Variants in DYNC1I1 observed in about 807,000 individuals in gnomAD.
The protein encoded by DYNC1I1 is cytoplasmic dynein 1 intermediate chain 1.
DYNC1I1 carries 43 observed loss-of-function variants against 86.6 expected under a neutral mutation model. The observed-to-expected ratio is 0.50, with a 90% CI of 0.39 to 0.64. The LOEUF (loss-of-function observed/expected upper bound fraction) is 0.64. DYNC1I1 is among the 30% of genes least tolerant of loss of function. The pLI, the probability that DYNC1I1 is intolerant of heterozygous loss-of-function variation, is 0.00. For synonymous variants in DYNC1I1, 262 were observed against 283.7 expected, an observed-to-expected ratio of 0.92 and a Z score of 0.77; for missense variants, 604 against 788.8, an observed-to-expected ratio of 0.77 and a Z score of 2.81.
chr7:95,816,044 G>A (rs528461197), intron 4 of DYNC1I1, among the ~76,000 whole-genome samples: 81 of 149,080 alleles, frequency 5.4e-4, no homozygotes, highest in Non-Finnish European at 1.0e-3. Context: ...TAAAGAGACC[G>A]TCTTGCTCCA....
In DYNC1I1 at chr7:95,932,307, G is replaced by A. The variant is rs544927470; in HGVS notation, c.491-45205G>A. 2.6e-5 allele frequency among the ~76,000 whole-genome samples: 4 copies of A among 152,166 alleles called. No homozygotes were observed. The East Asian group carries it at 5.8e-4, about 22-fold the overall frequency. ...TGGAAAATCACATACACACTATGGCGGCACATTTTCACAACAGAGAAATTA... is the reference window on the plus strand; with the variant it reads ...TGGAAAATCACATACACACTATGGCAGCACATTTTCACAACAGAGAAATTA... On this transcript the variant is annotated intron_variant, in intron 6 of 16. Transcript: ENST00000447467.
chr7:95,952,708 T>C (rs1355078557), intron 6 of DYNC1I1, among the ~76,000 whole-genome samples: 1 of 152,172 alleles, frequency 6.6e-6, no homozygotes, highest in Non-Finnish European at 1.5e-5. Context: ...TAAATGGAGA[T>C]ATAAAATTTG....
intron 7 of DYNC1I1, among the ~76,000 whole-genome samples, chr7:95,979,311 A>C (rs1200493482): frequency 2.6e-5 from 4 of 152,250 alleles, no homozygotes; most frequent in African/African-American, 4.8e-5. Flanking sequence ...ACTACAGACT[A>C]AGTTAGTTTA....
intron 6 of DYNC1I1, among the ~76,000 whole-genome samples, chr7:95,962,014 G>C (rs1792883993): frequency 6.6e-6 from 1 of 152,198 alleles, no homozygotes; most frequent in Non-Finnish European, 1.5e-5. Context: ...CAAGTAAGCA[G>C]TCTGTTTTGG....
chr7:96,007,528 G>A (rs184549429), intron 10 of DYNC1I1, among the ~76,000 whole-genome samples: 384 of 152,258 alleles, frequency 2.5e-3, no homozygotes, highest in Non-Finnish European at 4.1e-3. Context: ...TGTGTGACTA[G>A]TTCATATCAA....
intron 6 of DYNC1I1, among the ~76,000 whole-genome samples, chr7:95,921,629 C>T (rs1352113769): frequency 6.6e-6 from 1 of 152,206 alleles, no homozygotes; most frequent in East Asian, 1.9e-4. Flanking sequence ...TGTCTGCACA[C>T]ACCCTGGTCA....
chr7:95,942,227 G>A lies in DYNC1I1; in HGVS notation c.491-35285G>A, dbSNP rs370663720. On this transcript the variant is annotated intron_variant, in intron 6 of 16. Transcript: ENST00000447467. ...CCCACAGAAATACAAACTACCATCC[G>A]AGAATACTACAAACACCTCTACGCA... 6.6e-5 allele frequency among the ~76,000 whole-genome samples: 10 copies of A among 152,072 alleles called. No homozygotes were observed. The East Asian group carries it at 7.7e-4, about 12-fold the overall frequency.
At chr7:95,794,953 A>G (rs1165266131) in intron 1 of DYNC1I1, among the ~76,000 whole-genome samples, 1 of 152,188 alleles carries the variant, frequency 6.6e-6, no homozygotes, top group Non-Finnish European at 1.5e-5. Flanking sequence ...TTTCCTCCAA[A>G]ATAGTAGTTC....
In DYNC1I1 at chr7:96,106,291, G is replaced by A. The variant is rs139579634; in HGVS notation, c.1543-3688G>A. Among the ~76,000 whole-genome samples the A allele has an allele frequency of 3.5e-3, 529 of 152,158 alleles. 4 individuals carry two copies. Among genetic ancestry groups the A allele is most frequent in the African/African-American group, 0.012 (495 of 41,502 alleles). On this transcript the variant is annotated intron_variant, in intron 16 of 16. Coordinates refer to the DYNC1I1 transcript ENST00000537881. ...CTCACACCTGTAATCCCAGCACTTT[G>A]GGAGGCCGAGGCAGGTGGATTACTT...
At chr7:95,946,195 A>G (rs1792395437) in intron 6 of DYNC1I1, among the ~76,000 whole-genome samples, 1 of 152,136 alleles carries the variant, frequency 6.6e-6, no homozygotes, top group South Asian at 2.1e-4. Flanking sequence ...TAGCTAATGC[A>G]TGTGGGGCTT....
chr7:95,988,962 C>T (rs1191034721), intron 9 of DYNC1I1, among the ~76,000 whole-genome samples: 1 of 152,092 alleles, frequency 6.6e-6, no homozygotes, highest in Non-Finnish European at 1.5e-5. Context: ...GGGATTTATA[C>T]CAAAGTATTT....
At chr7:96,025,781 A>G (rs2115945165) in intron 10 of DYNC1I1, among the ~76,000 whole-genome samples, 1 of 151,782 alleles carries the variant, frequency 6.6e-6, no homozygotes, top group Middle Eastern at 3.4e-3. Context: ...TCAGTTTTAT[A>G]TAAATACCTC....
chr7:96,035,797 A>T, intron 13 of DYNC1I1, 45 bp downstream of exon 13: 1 of 1,598,964 alleles, frequency 6.3e-7, no homozygotes, highest in Non-Finnish European at 8.5e-7. Flanking sequence ...TTCATTTCCG[A>T]AAGTCTGTTA....
chr7:96,028,297 A>G lies in DYNC1I1; in HGVS notation c.1092A>G (p.Thr364=). 1.2e-6 allele frequency: 2 copies of G among 1,613,010 alleles called. No individual in the cohort carries two copies. The highest frequency in any genetic ancestry group is 2.2e-5 in the South Asian group (2 of 90,966). ...RSHRRTPVQR[T]PLSAAAHTHP... ...ATCGAAGGACTCCAGTGCAGCGGACACCCTTATCAGCTGCTGCACACACGG... is the reference window on the plus strand; with the variant it reads ...ATCGAAGGACTCCAGTGCAGCGGACGCCCTTATCAGCTGCTGCACACACGG... The change falls in exon 11 of 17, where the codon ACA becomes ACG. Residue 364 remains threonine (T), a synonymous_variant. Transcript: ENST00000447467.
intron 14 of DYNC1I1, among the ~76,000 whole-genome samples, chr7:96,067,445 C>CTTTTTTTTTTTTT (rs555422571): frequency 7.2e-6 from 1 of 138,766 alleles, no homozygotes; most frequent in African/African-American, 2.6e-5. Context: ...TCTTTCTTTC[C>CTTTTTTTTTTTTT]TTTTTTTTTT....
chr7:95,783,100 T>C (rs569162665), intron 1 of DYNC1I1, among the ~76,000 whole-genome samples: 31 of 152,250 alleles, frequency 2.0e-4, no homozygotes, highest in Non-Finnish European at 3.7e-4. Flanking sequence ...GCCGTTGGTT[T>C]CCAGGCTTGA....
At chr7:95,777,277 C>T (rs185440684) in intron 1 of DYNC1I1, among the ~76,000 whole-genome samples, 8 of 152,314 alleles carry the variant, frequency 5.3e-5, no homozygotes, top group Admixed American at 4.6e-4. Flanking sequence ...CTTCCCCCAT[C>T]GCCAGGTGTC....
At chr7:96,024,489 G>C (rs1053775297) in intron 10 of DYNC1I1, among the ~76,000 whole-genome samples, 2 of 152,096 alleles carry the variant, frequency 1.3e-5, no homozygotes, top group Non-Finnish European at 2.9e-5. Flanking sequence ...AAATAATTAA[G>C]ACTATAAAAA....
intron 3 of DYNC1I1, 137 bp from the exon 4 acceptor site, chr7:95,813,110 T>TTTTC: frequency 7.1e-7 from 1 of 1,417,206 alleles, no homozygotes; most frequent in South Asian, 1.4e-5. Context: ...TTTTTTTTCT[T>TTTTC]TATCCCATCT....
Sources: allele counts gnomAD v4.1 joint callset (sites outside exome capture counted in the v4.1 genomes callset), GRCh38; gene constraint gnomAD v4.1.1; transcripts MANE v1.5; gene names NCBI Gene and HGNC (gene_info 2026-07-23, HGNC 2026-07-21).